NR6A1: variants seen among roughly 807,000 people sequenced by gnomAD.
NR6A1 encodes the protein nuclear receptor subfamily 6 group A member 1.
NR6A1 carries 7 observed loss-of-function variants against 59.1 expected under a neutral mutation model. That is an observed-to-expected ratio of 0.12 (90% CI 0.07 to 0.22). The LOEUF (loss-of-function observed/expected upper bound fraction) is 0.22. Among genes scored for constraint, NR6A1 ranks in the 10% least tolerant of loss-of-function variants. NR6A1 has a pLI of 1.00. For missense variants in NR6A1, 468 were observed against 611.6 expected (o/e 0.77, Z 2.48); for synonymous variants, 243 against 236.1 (o/e 1.03, Z -0.27).
chr9:124,611,235 A>AT (rs1356005115), intron 2 of NR6A1, among the ~76,000 whole-genome samples: 1 of 151,984 alleles, frequency 6.6e-6, no homozygotes, highest in Non-Finnish European at 1.5e-5. Flanking sequence ...AATACTTCTC[A>AT]TTATCACTAA....
intron 2 of NR6A1, among the ~76,000 whole-genome samples, chr9:124,600,861 C>G (rs145886699): frequency 6.6e-6 from 1 of 151,098 alleles, no homozygotes; most frequent in East Asian, 1.9e-4. Flanking sequence ...ATTTCAAGAC[C>G]TGAAGGAAGA....
At chr9:124,695,938 G>GTT (rs1838743679) in intron 2 of NR6A1, among the ~76,000 whole-genome samples, 1 of 152,180 alleles carries the variant, frequency 6.6e-6, no homozygotes, top group South Asian at 2.1e-4. Context: ...CCAAATCCAA[G>GTT]TTTTCTCTTG....
chr9:124,743,555 A>G (rs1379175719), intron 1 of NR6A1, among the ~76,000 whole-genome samples: 1 of 152,220 alleles, frequency 6.6e-6, no homozygotes, highest in Non-Finnish European at 1.5e-5. Context: ...AACATTAATA[A>G]CTTCCATCTG....
chr9:124,746,856 T>G (rs1434888137), intron 1 of NR6A1, among the ~76,000 whole-genome samples: 3 of 152,152 alleles, frequency 2.0e-5, no homozygotes, highest in Non-Finnish European at 4.4e-5. Flanking sequence ...GAAAAATAGG[T>G]GAGTAAAGCT....
intron 2 of NR6A1, among the ~76,000 whole-genome samples, chr9:124,679,112 C>T (rs1395277474): frequency 1.3e-5 from 2 of 152,066 alleles, no homozygotes; most frequent in African/African-American, 4.8e-5. Flanking sequence ...TCTATCCTCA[C>T]CTCAAGTTCC....
intron 4 of NR6A1, among the ~76,000 whole-genome samples, chr9:124,541,881 C>T (rs13288920): frequency 0.012 from 1,896 of 152,220 alleles, 19 homozygotes; most frequent in Admixed American, 0.021. Flanking sequence ...CAAGGGGGAA[C>T]CATGATGACA....
chr9:124,735,124 A>T (rs1839987332), intron 1 of NR6A1, among the ~76,000 whole-genome samples: 1 of 152,200 alleles, frequency 6.6e-6, no homozygotes, highest in Admixed American at 6.6e-5. Flanking sequence ...GATTACAGAA[A>T]GCCCAGCTTA....
At chr9:124,770,837 G>A (rs1475594910) in intron 1 of NR6A1, among the ~76,000 whole-genome samples, 183 bp downstream of exon 1, 1 of 151,606 alleles carries the variant, frequency 6.6e-6, no homozygotes, top group Non-Finnish European at 1.5e-5. Flanking sequence ...TCCACCCTGA[G>A]CGAGACCGGG....
At chr9:124,597,931 C>G (rs534144851) in intron 2 of NR6A1, among the ~76,000 whole-genome samples, 2 of 152,134 alleles carry the variant, frequency 1.3e-5, no homozygotes, top group Non-Finnish European at 2.9e-5. Flanking sequence ...CAGCCTCCAC[C>G]AGGGCTCAAG....
intron 3 of NR6A1, among the ~76,000 whole-genome samples, chr9:124,551,833 C>T (rs1393069418): frequency 6.6e-6 from 1 of 152,150 alleles, no homozygotes; most frequent in African/African-American, 2.4e-5. Flanking sequence ...TGTCAACCAC[C>T]ACAGGTCCAT....
chr9:124,667,504 A>C (rs2130958632), intron 2 of NR6A1, among the ~76,000 whole-genome samples: 1 of 152,318 alleles, frequency 6.6e-6, no homozygotes, highest in African/African-American at 2.4e-5. Context: ...ACACAAAACT[A>C]CTTTAAAGTT....
intron 2 of NR6A1, among the ~76,000 whole-genome samples, chr9:124,709,586 T>G (rs934088214): frequency 1.2e-4 from 18 of 152,164 alleles, no homozygotes; most frequent in Middle Eastern, 6.8e-3. Context: ...AATCCTGGCC[T>G]TGGTTCTTCA....
intron 1 of NR6A1, among the ~76,000 whole-genome samples, chr9:124,742,720 C>CA (rs1840209532): frequency 6.6e-6 from 1 of 151,462 alleles, no homozygotes; most frequent in Admixed American, 6.6e-5. Flanking sequence ...AGTAAAAACA[C>CA]AAAAAATTAG....
intron 2 of NR6A1, among the ~76,000 whole-genome samples, chr9:124,611,238 A>G (rs1835733785): frequency 6.6e-6 from 1 of 152,048 alleles, no homozygotes; most frequent in Non-Finnish European, 1.5e-5. Context: ...ACTTCTCATT[A>G]TCACTAAAGT....
At chr9:124,707,665 A>C (rs764650425) in intron 2 of NR6A1, among the ~76,000 whole-genome samples, 3 of 152,042 alleles carry the variant, frequency 2.0e-5, no homozygotes, top group Non-Finnish European at 2.9e-5. Flanking sequence ...GGTGATGATG[A>C]GTTGTTTTTT....
At chr9:124,570,545 A>AGTCCTT (rs1834409791) in intron 2 of NR6A1, among the ~76,000 whole-genome samples, 1 of 152,204 alleles carries the variant, frequency 6.6e-6, no homozygotes, top group Non-Finnish European at 1.5e-5. Context: ...AAGAAAACAA[A>AGTCCTT]AATTCAGAAG....
chr9:124,692,705 T>C (rs1838597324), intron 2 of NR6A1, among the ~76,000 whole-genome samples: 1 of 152,240 alleles, frequency 6.6e-6, no homozygotes, highest in African/African-American at 2.4e-5. Context: ...TGTGTTTTAT[T>C]ATTATTTGTT....
intron 3 of NR6A1, among the ~76,000 whole-genome samples, chr9:124,546,047 G>A (rs1179074653): frequency 3.9e-5 from 6 of 152,192 alleles, no homozygotes; most frequent in Admixed American, 6.5e-5. Flanking sequence ...CCCGGGAGGT[G>A]GAGGTTGCGG....
intron 4 of NR6A1, among the ~76,000 whole-genome samples, chr9:124,542,126 T>C (rs1389507706): frequency 1.3e-5 from 2 of 152,236 alleles, no homozygotes; most frequent in African/African-American, 4.8e-5. Flanking sequence ...AACAACACTG[T>C]ACTGTATAAT....
Sources: allele counts gnomAD v4.1 joint callset (sites outside exome capture counted in the v4.1 genomes callset), GRCh38; gene constraint gnomAD v4.1.1; transcripts MANE v1.5; gene names NCBI Gene and HGNC (gene_info 2026-07-23, HGNC 2026-07-21).